The following EPHA6 variants were observed in gnomAD, a reference collection of about 807,000 sequenced individuals.
EPHA6 encodes the protein EPH receptor A6.
In EPHA6, 50 loss-of-function variants were observed where a neutral mutation model predicts 112.0. The ratio of observed to expected loss-of-function variants is 0.45; its 90% CI spans 0.36 to 0.56. The LOEUF is 0.56. Among genes scored for constraint, EPHA6 ranks in the 20% least tolerant of loss-of-function variants. The pLI is 0.00. For synonymous variants in EPHA6, 529 were observed against 490.7 expected, an observed-to-expected ratio of 1.08 and a Z score of -1.03; for missense variants, 1,280 against 1,417.4, an observed-to-expected ratio of 0.90 and a Z score of 1.56.
chr3:97,586,746 A>G (rs990061823), intron 11 of EPHA6, among the ~76,000 whole-genome samples: 2 of 152,180 alleles, frequency 1.3e-5, no homozygotes, highest in Middle Eastern at 6.3e-3. Flanking sequence ...AGACAGACAG[A>G]CAGACAGATA....
At chr3:97,140,932 T>A (rs1199321159) in intron 3 of EPHA6, among the ~76,000 whole-genome samples, 1 of 151,980 alleles carries the variant, frequency 6.6e-6, no homozygotes, top group African/African-American at 2.4e-5. Flanking sequence ...CTACAGGAGA[T>A]CTACCTAACA....
chr3:97,018,245 C>T (rs886609435), intron 3 of EPHA6, among the ~76,000 whole-genome samples: 2 of 151,644 alleles, frequency 1.3e-5, no homozygotes, highest in Non-Finnish European at 2.9e-5. Flanking sequence ...GCATTTTTAC[C>T]GCTTTATGTG....
intron 3 of EPHA6, among the ~76,000 whole-genome samples, chr3:96,992,895 T>C (rs181831826): frequency 6.6e-6 from 1 of 152,312 alleles, no homozygotes; most frequent in Non-Finnish European, 1.5e-5. Flanking sequence ...CACAAAGTTA[T>C]TATCACTCTC....
At chr3:97,569,526 C>A (rs980248352) in intron 11 of EPHA6, among the ~76,000 whole-genome samples, 1 of 152,020 alleles carries the variant, frequency 6.6e-6, no homozygotes, top group Non-Finnish European at 1.5e-5. Context: ...TACTTCTCTG[C>A]AAAACTCAGG....
chr3:97,240,702 T>C (rs1218846667), intron 4 of EPHA6, among the ~76,000 whole-genome samples: 1 of 151,860 alleles, frequency 6.6e-6, no homozygotes, highest in Admixed American at 6.6e-5. Context: ...TGTCAGACTT[T>C]ATTTAAGCAT....
chr3:97,743,674 T>C (rs1188706692), intron 16 of EPHA6, among the ~76,000 whole-genome samples: 1 of 152,044 alleles, frequency 6.6e-6, no homozygotes, highest in Non-Finnish European at 1.5e-5. Context: ...TAATCACATA[T>C]ACATGTATTA....
intron 5 of EPHA6, among the ~76,000 whole-genome samples, chr3:97,270,373 G>A (rs948933223): frequency 6.6e-6 from 1 of 152,054 alleles, no homozygotes; most frequent in African/African-American, 2.4e-5. Flanking sequence ...TCCCTTGTGG[G>A]TTAAGAAATC....
chr3:96,910,603 T>A (rs1452205050), intron 2 of EPHA6, among the ~76,000 whole-genome samples: 2 of 152,090 alleles, frequency 1.3e-5, no homozygotes, highest in East Asian at 3.9e-4. Context: ...CTGGCTTTTT[T>A]CCTATTCCTT....
intron 2 of EPHA6, among the ~76,000 whole-genome samples, chr3:96,952,663 G>A (rs746175468): frequency 2.0e-5 from 3 of 152,158 alleles, no homozygotes; most frequent in Non-Finnish European, 2.9e-5. Context: ...GTTACCCAGT[G>A]TTAACATTAT....
At chr3:97,389,996 A>G (rs1426854732) in intron 5 of EPHA6, among the ~76,000 whole-genome samples, 1 of 152,166 alleles carries the variant, frequency 6.6e-6, no homozygotes, top group Non-Finnish European at 1.5e-5. Context: ...ATTACTAACT[A>G]GAGAAAATGA....
intron 15 of EPHA6, among the ~76,000 whole-genome samples, chr3:97,721,052 G>A (rs1276234826): frequency 6.6e-6 from 1 of 152,140 alleles, no homozygotes; most frequent in Non-Finnish European, 1.5e-5. Context: ...AAATAAGTGT[G>A]CTGTCAGAGC....
rs138757605 is a variant in EPHA6, at chr3:97,646,685, T to C, written c.2784+8603T>C. 4.7e-4 allele frequency among the ~76,000 whole-genome samples: 71 copies of C among 152,258 alleles called. 1 individual carries two copies. The highest frequency in any genetic ancestry group is 1.6e-3 in the African/African-American group (66 of 41,548). ...AGAAACAGGAGTCCATATGTACTTA[T>C]GCCCACTGCATCCTGAGCTACTGTG... On this transcript the variant is annotated intron_variant, in intron 14 of 17. Coordinates refer to ENST00000389672, the MANE Select transcript of EPHA6 (RefSeq NM_001080448.3).
intron 12 of EPHA6, among the ~76,000 whole-genome samples, chr3:97,594,056 A>T (rs1166442554): frequency 6.6e-6 from 1 of 152,220 alleles, no homozygotes; most frequent in Non-Finnish European, 1.5e-5. Flanking sequence ...ATAAACATGT[A>T]GCTTTCATGT....
At chr3:96,855,013 G>T (rs989662919) in intron 1 of EPHA6, among the ~76,000 whole-genome samples, 5 of 152,030 alleles carry the variant, frequency 3.3e-5, no homozygotes, top group African/African-American at 1.2e-4. Flanking sequence ...TTCCATTCTG[G>T]AGGTTCTAGG....
At chr3:97,080,736 G>A (rs1254608147) in intron 3 of EPHA6, among the ~76,000 whole-genome samples, 1 of 151,884 alleles carries the variant, frequency 6.6e-6, no homozygotes, top group Non-Finnish European at 1.5e-5. Flanking sequence ...TATGTATGTG[G>A]TTTTTTGCTT....
chr3:97,412,144 G>C (rs889693457), intron 6 of EPHA6, among the ~76,000 whole-genome samples: 8 of 152,114 alleles, frequency 5.3e-5, no homozygotes, highest in African/African-American at 1.4e-4. Context: ...TGAAATAAAG[G>C]TTATGACTAT....
chr3:97,573,547 A>G (rs2107239009), intron 11 of EPHA6, among the ~76,000 whole-genome samples: 1 of 152,190 alleles, frequency 6.6e-6, no homozygotes, highest in South Asian at 2.1e-4. Context: ...GTCCAAAAGT[A>G]AGGTAACCAG....
At chr3:97,193,932 AT>A (rs2077373190) in intron 3 of EPHA6, among the ~76,000 whole-genome samples, 1 of 152,070 alleles carries the variant, frequency 6.6e-6, no homozygotes, top group African/African-American at 2.4e-5. Flanking sequence ...TTGATATGAT[AT>A]ATCACATTGG....
chr3:96,823,547 A>G (rs1439455748), intron 1 of EPHA6, among the ~76,000 whole-genome samples: 1 of 151,836 alleles, frequency 6.6e-6, no homozygotes, highest in Non-Finnish European at 1.5e-5. Flanking sequence ...CTTAAATAGT[A>G]TTTATCTTGT....
Sources: allele counts gnomAD v4.1 joint callset (sites outside exome capture counted in the v4.1 genomes callset), GRCh38; gene constraint gnomAD v4.1.1; transcripts MANE v1.5; gene names NCBI Gene and HGNC (gene_info 2026-07-23, HGNC 2026-07-21).